Variants in CLDN15 observed in about 807,000 individuals in gnomAD.
CLDN15 encodes the protein claudin 15.
In CLDN15, 9 loss-of-function variants were observed where a neutral mutation model predicts 24.5. The observed-to-expected ratio is 0.37, with a 90% CI of 0.22 to 0.64. The LOEUF (loss-of-function observed/expected upper bound fraction) is 0.64, where lower values mean the gene tolerates loss of function less well. Ranked by LOEUF, CLDN15 falls within the 30% of genes least tolerant of loss-of-function variation. CLDN15 has a pLI of 0.63. For missense variants in CLDN15, 248 were observed against 305.9 expected (o/e 0.81, Z 1.41); for synonymous variants, 149 against 131.4 (o/e 1.13, Z -0.92).
At chr7:101,233,321 T>C (rs1286929432) in intron 2 of CLDN15, among the ~76,000 whole-genome samples, 1 of 151,948 alleles carries the variant, frequency 6.6e-6, no homozygotes, top group Non-Finnish European at 1.5e-5. Flanking sequence ...TCCAGGGTCG[T>C]CCTTTCCTGA....
At chr7:101,237,907 C>T (rs772583730), upstream of CLDN15, 4 of 372,648 alleles carry the variant, frequency 1.1e-5, no homozygotes, top group East Asian at 5.9e-5. This position sits in a 1 kb window ranked among gnomAD's most constrained non-coding sequence, Gnocchi z 4.0. Flanking sequence ...CCGGGCTCCC[C>T]GCCCCACGAG....
rs1360127765 is a variant in CLDN15 at position 101,232,178 on chromosome 7, C to T, written c.*232G>A. On this transcript the variant is annotated 3_prime_UTR_variant, in exon 5 of 5. Transcript: ENST00000308344. ...ACACCGTCCCCTTCACAGCCCAGAA[C>T]CCAGGGTCAGAAGATGAGGGATCCA... is the stretch of plus-strand genomic sequence containing the variant. 7.5e-6 allele frequency: 4 copies of T among 531,168 alleles called. No individual in the cohort carries two copies. The highest frequency in any genetic ancestry group is 1.3e-5 in the Non-Finnish European group (4 of 300,278). 32.9% of individuals were successfully genotyped at this position (531,168 alleles called of 1,614,324 possible).
intron 1 of CLDN15, among the ~76,000 whole-genome samples, chr7:101,236,303 A>G (rs1798622581): frequency 6.6e-6 from 1 of 151,208 alleles, no homozygotes; most frequent in Admixed American, 6.6e-5. Flanking sequence ...AGTCCTAGAG[A>G]GATGGATGAA....
intron 1 of CLDN15, among the ~76,000 whole-genome samples, chr7:101,236,575 G>T (rs1324573781): frequency 6.6e-6 from 1 of 152,198 alleles, no homozygotes; most frequent in African/African-American, 2.4e-5. Context: ...TCTGGCATAG[G>T]GCAGACGGAA....
upstream of CLDN15, chr7:101,238,443 T>A (rs1422467644): frequency 1.3e-5 from 2 of 152,490 alleles, no homozygotes; most frequent in African/African-American, 4.8e-5. Context: ...CCTGTAATCC[T>A]ACCACTTTGG....
chr7:101,237,797 A>C lies in CLDN15; in HGVS notation c.-216T>G, dbSNP rs1350854939. 2 of 593,468 alleles carry C rather than the reference A, an allele frequency of 3.4e-6. No individual in the cohort carries two copies. The highest frequency in any genetic ancestry group is 6.0e-6 in the Non-Finnish European group (2 of 332,306). The allele number at this position is 593,468 out of a possible 1,614,324, so 36.8% of individuals were successfully genotyped here. Reference sequence around the variant, plus strand: ...GTCTCTCTGCTTCCTGGCAGGTCAGAGGAATGAGCTAAGCCTGCGCGCGGC... The same window carrying C: ...GTCTCTCTGCTTCCTGGCAGGTCAGCGGAATGAGCTAAGCCTGCGCGCGGC... On this transcript the variant is annotated 5_prime_UTR_variant, in exon 1 of 5. Coordinates refer to ENST00000308344, the MANE Select transcript of CLDN15 (RefSeq NM_014343.3). This position sits in a 1 kb window ranked among gnomAD's most constrained non-coding sequence, Gnocchi z 4.0.
chr7:101,236,686 GAGCTGTTGGCTCC>G, intron 1 of CLDN15: 1 of 1,254,880 alleles, frequency 8.0e-7, no homozygotes, highest in South Asian at 1.3e-5. Context: ...TGGGCCCAAA[GAGCTGTTGGCTCC>G]AGCCCTCTAA....
At chr7:101,237,837 TGGAG>T (rs1429145997), upstream of CLDN15, 1 of 527,116 alleles carries the variant, frequency 1.9e-6, no homozygotes, top group Non-Finnish European at 3.4e-6. This position sits in a 1 kb window ranked among gnomAD's most constrained non-coding sequence, Gnocchi z 4.0. Context: ...GTTGACGAGA[TGGAG>T]GGAATAACCG....
At chr7:101,233,447 A>C (rs1428487274) in intron 2 of CLDN15, among the ~76,000 whole-genome samples, 1 of 152,036 alleles carries the variant, frequency 6.6e-6, no homozygotes, top group Non-Finnish European at 1.5e-5. Flanking sequence ...TACCCACCCT[A>C]CCTCAAAGGC....
At chr7:101,233,670 C>A in intron 2 of CLDN15, 1 of 173,212 alleles carries the variant, frequency 5.8e-6, no homozygotes, top group Non-Finnish European at 1.2e-5. Context: ...ACAATCTTGG[C>A]TTACTACAAC....
chr7:101,232,983 A>G, intron 2 of CLDN15, 69 bp from the exon 3 acceptor site: 1 of 1,103,418 alleles, frequency 9.1e-7, no homozygotes, highest in South Asian at 1.3e-5. Context: ...CTTAGGGGAG[A>G]GGCAGGCAGG....
At chr7:101,235,433 T>C (rs985843577) in intron 1 of CLDN15, among the ~76,000 whole-genome samples, 1 of 152,166 alleles carries the variant, frequency 6.6e-6, no homozygotes, top group African/African-American at 2.4e-5. Flanking sequence ...CCGGTGGAGT[T>C]TCTGACCTAG....
rs765578247 is a variant in CLDN15 at position 101,234,407 on chromosome 7, C to T, written c.253G>A (p.Ala85Thr). The T allele has an allele frequency of 1.2e-5, 19 of 1,612,870 alleles. No individual in the cohort carries two copies. The highest frequency in any genetic ancestry group is 1.6e-4 in the Middle Eastern group (1 of 6,068). ...AGGCCGAGGAAGCCCAGGAGGATGG[C>T]GGTGATCATGAGTGCCCGGCAGGCC... Reference protein sequence around the residue: ...IQACRALMITAILLGFLGLLL... With the variant: ...IQACRALMITTILLGFLGLLL... Residue 85 changes from alanine (A) to threonine (T), a missense_variant, in exon 2 of 5, where the codon GCC (alanine) becomes ACC (threonine). By Grantham distance (58) the Ala-to-Thr change is moderately conservative. Coordinates refer to ENST00000308344, the MANE Select transcript of CLDN15 (RefSeq NM_014343.3).
chr7:101,233,050 C>T (rs957322534), intron 2 of CLDN15, 136 bp from the exon 3 acceptor site: 1 of 673,284 alleles, frequency 1.5e-6, no homozygotes, highest in South Asian at 1.7e-5. Context: ...TCACTCAATT[C>T]CTTTCTCCCC....
intron 2 of CLDN15, 46 bp from the exon 3 acceptor site, chr7:101,232,960 G>T: frequency 1.4e-6 from 2 of 1,379,522 alleles, no homozygotes; most frequent in Non-Finnish European, 2.1e-6. Context: ...GGGAGGGATA[G>T]TGGGGGAGGG....
chr7:101,232,323 C>T lies in CLDN15; in HGVS notation c.*87G>A, dbSNP rs1798516109. The T allele has an allele frequency of 3.1e-6, 3 of 964,730 alleles. No individual in the cohort carries two copies. In the South Asian group the frequency reaches 4.6e-5, roughly 15 times the overall value. 59.8% of individuals were successfully genotyped at this position (964,730 alleles called of 1,614,324 possible). On this transcript the variant is annotated 3_prime_UTR_variant, in exon 5 of 5. Transcript: ENST00000308344. ...TACGGGAGCGGGGCGTGGCCGGCCC[C>T]TGAGGTTACTATAGGGGAATGGGCC...
rs141112193 is a variant in CLDN15, at chr7:101,235,064, G to A, written c.218-622C>T. Among the ~76,000 whole-genome samples the A allele has an allele frequency of 9.5e-4, 145 of 152,270 alleles. 3 individuals carry two copies. Among genetic ancestry groups the A allele is most frequent in the Non-Finnish European group, 1.2e-3 (84 of 68,024 alleles). On this transcript the variant is annotated intron_variant, in intron 1 of 4. Transcript: ENST00000308344. ...TGACAATCATTGTGCAAAGTCGCCC[G>A]GCTGAGAACAACTGCCCTATCAGGT...
chr7:101,237,661 G>A lies in CLDN15; in HGVS notation c.-80C>T, dbSNP rs1018739214. 1.5e-4 allele frequency: 149 copies of A among 991,946 alleles called. No homozygotes were observed. The highest frequency in any genetic ancestry group is 2.2e-4 in the Non-Finnish European group (140 of 635,348). The allele number at this position is 991,946 out of a possible 1,614,324, so 61.4% of individuals were successfully genotyped here. On this transcript the variant is annotated 5_prime_UTR_variant, in exon 1 of 5. Coordinates refer to ENST00000308344, the MANE Select transcript of CLDN15 (RefSeq NM_014343.3). The surrounding 1 kb of genome is among the most constrained non-coding windows in gnomAD (Gnocchi z 4.0). ...CCCCTAGGGAACTGGAAGGGGCTGCGGCTAAGGAGGGTTGTCCAGGCAGGC... is the reference window on the plus strand; with the variant it reads ...CCCCTAGGGAACTGGAAGGGGCTGCAGCTAAGGAGGGTTGTCCAGGCAGGC...
In CLDN15 at chr7:101,233,764, ATT is replaced by A. The variant is rs746861741; in HGVS notation, c.382+512_382+513del. 291 of 88,514 alleles carry A rather than the reference ATT, an allele frequency of 3.3e-3. 4 individuals are homozygous for A. The East Asian group carries it at 0.038, about 12-fold the overall frequency. 5.5% of individuals were successfully genotyped at this position (88,514 alleles called of 1,614,324 possible). On this transcript the variant is annotated intron_variant, in intron 2 of 4. Coordinates refer to ENST00000308344, the MANE Select transcript of CLDN15 (RefSeq NM_014343.3). ...AGGTGCCTGCCACCACGCCTGGCTAATTTTTTTTTTTTTTTTTTTTTTTTTTT... is the reference window on the plus strand; with the variant it reads ...AGGTGCCTGCCACCACGCCTGGCTAATTTTTTTTTTTTTTTTTTTTTTTTT...
Sources: gnomAD v4.1 joint callset for allele counts (sites outside exome capture counted in the v4.1 genomes callset) on GRCh38, gnomAD v4.1.1 for gene constraint, Gnocchi (gnomAD v3.1) non-coding constraint, MANE v1.5 for transcripts, NCBI Gene and HGNC (gene_info 2026-07-23, HGNC 2026-07-21) for gene names.